NLRP8: variants seen among roughly 807,000 people sequenced by gnomAD.
The protein encoded by NLRP8 is NACHT, LRR and PYD domains-containing protein 8.
In NLRP8, 86 loss-of-function variants were observed where a neutral mutation model predicts 88.7. The observed-to-expected ratio is 0.97, with a 90% CI of 0.81 to 1.16. NLRP8 has a LOEUF of 1.16. Among genes scored for constraint, NLRP8 ranks in the 50% most tolerant of loss-of-function variants. The probability of loss-of-function intolerance (pLI) is 0.00; values close to 1 mark genes in which losing one functional copy is unlikely to be tolerated. For synonymous variants in NLRP8, 504 were observed against 494.6 expected, an observed-to-expected ratio of 1.02 and a Z score of -0.25; for missense variants, 1,342 against 1,286.5, an observed-to-expected ratio of 1.04 and a Z score of -0.66.
chr19:55,983,076 G>A (rs1175400165), intron 9 of NLRP8, among the ~76,000 whole-genome samples: 2 of 152,194 alleles, frequency 1.3e-5, no homozygotes, highest in Non-Finnish European at 2.9e-5. Context: ...TGACAGTCGT[G>A]AGACCTTGGT....
At position 55,948,288 on chromosome 19, in the gene NLRP8, G is replaced by T; in HGVS notation, c.367+19G>T. 3 of 1,592,270 alleles carry T rather than the reference G, an allele frequency of 1.9e-6. No individual in the cohort carries two copies. Among genetic ancestry groups the T allele is most frequent in the Non-Finnish European group, 2.6e-6 (3 of 1,165,096 alleles). ...ATAAATGGTGAGTGTTGATCTGGTG[G>T]ATAAAGTGGGGGTGGGCTTGGCTGC... On this transcript the variant is annotated intron_variant, in intron 1 of 9. Transcript: ENST00000291971.
chr19:55,964,889 C>A (rs182945125), intron 4 of NLRP8, among the ~76,000 whole-genome samples: 25 of 152,126 alleles, frequency 1.6e-4, no homozygotes, highest in African/African-American at 5.3e-4. Context: ...ATCGATTATA[C>A]CTCAAGGAAA....
In NLRP8 at chr19:55,954,752, T is replaced by G; in HGVS notation, c.694T>G (p.Phe232Val). The G allele has an allele frequency of 6.2e-7, 1 of 1,614,166 alleles. No individual in the cohort carries two copies. The highest frequency in any genetic ancestry group is 8.5e-7 in the Non-Finnish European group (1 of 1,180,042). ...GATGTTTGAGTGGGCCAGAAACAAG[T>G]TCTACGCCCACAAGCGCTGGTGTGC... Residue 232 changes from phenylalanine to valine, a missense_variant, in exon 3 of 10, where the codon TTC (phenylalanine) becomes GTC (valine). Coordinates refer to ENST00000291971, the MANE Select transcript of NLRP8 (RefSeq NM_176811.2).
chr19:55,949,586 A>G (rs1179652022), intron 1 of NLRP8, among the ~76,000 whole-genome samples: 4 of 152,090 alleles, frequency 2.6e-5, no homozygotes, highest in Non-Finnish European at 5.9e-5. Context: ...AGTACTATCC[A>G]CAGTTTCAGA....
chr19:55,983,957 A>G (rs1980687334), intron 9 of NLRP8, among the ~76,000 whole-genome samples: 1 of 152,046 alleles, frequency 6.6e-6, no homozygotes, highest in Non-Finnish European at 1.5e-5. Flanking sequence ...TAACATGCTT[A>G]TTGTTAATTT....
chr19:55,953,289 G>C (rs1288463369), intron 2 of NLRP8, among the ~76,000 whole-genome samples: 1 of 151,964 alleles, frequency 6.6e-6, no homozygotes, highest in East Asian at 1.9e-4. Flanking sequence ...AACAAGCTCA[G>C]GGCTCCCAGT....
At chr19:55,985,612 T>C (rs756731420) in intron 9 of NLRP8, among the ~76,000 whole-genome samples, 1 of 152,178 alleles carries the variant, frequency 6.6e-6, no homozygotes, top group Non-Finnish European at 1.5e-5. Context: ...AATCTAAATA[T>C]GAAAGGAAAG....
At chr19:55,983,793 T>C (rs750657842) in intron 9 of NLRP8, among the ~76,000 whole-genome samples, 1 of 129,012 alleles carries the variant, frequency 7.8e-6, no homozygotes, top group Non-Finnish European at 1.6e-5. Flanking sequence ...CTATTTCAGA[T>C]TCAGGAAGAC....
intron 3 of NLRP8, among the ~76,000 whole-genome samples, chr19:55,958,901 C>T (rs554045080): frequency 7.2e-4 from 109 of 151,000 alleles, no homozygotes; most frequent in Non-Finnish European, 1.4e-3. Context: ...TGTTTTGAGA[C>T]GGAGTCTCAT....
At chr19:55,949,147 G>C (rs1465802998) in intron 1 of NLRP8, among the ~76,000 whole-genome samples, 1 of 152,090 alleles carries the variant, frequency 6.6e-6, no homozygotes, top group African/African-American at 2.4e-5. Context: ...GTTTATGATA[G>C]TATAGTATTA....
chr19:55,970,188 C>G (rs1010172620), intron 5 of NLRP8, among the ~76,000 whole-genome samples: 10 of 152,060 alleles, frequency 6.6e-5, no homozygotes, highest in Non-Finnish European at 1.5e-5. Context: ...TTGATTGATG[C>G]CTTCTATAAT....
chr19:55,965,469 T>A (rs1238895774), intron 4 of NLRP8, among the ~76,000 whole-genome samples: 2 of 151,112 alleles, frequency 1.3e-5, no homozygotes, highest in African/African-American at 2.4e-5. Context: ...AAAAAAAAGC[T>A]AAGCTTTGTT....
At chr19:55,957,572 G>T (rs1022685665) in intron 3 of NLRP8, among the ~76,000 whole-genome samples, 3 of 151,202 alleles carry the variant, frequency 2.0e-5, no homozygotes, top group Non-Finnish European at 2.9e-5. Context: ...TGTAATCCCA[G>T]CTACTCGGGA....
chr19:55,985,176 G>A (rs1443784940), intron 9 of NLRP8, among the ~76,000 whole-genome samples: 1 of 152,106 alleles, frequency 6.6e-6, no homozygotes, highest in Non-Finnish European at 1.5e-5. Flanking sequence ...GGTGGCGGGC[G>A]CCTGTAATCC....
At position 55,955,343 on chromosome 19, in the gene NLRP8, C is replaced by G. The variant is rs765123250; in HGVS notation, c.1285C>G (p.Arg429Gly). 1 of 1,614,100 alleles carries G rather than the reference C, an allele frequency of 6.2e-7. No homozygotes were observed. Among genetic ancestry groups the G allele is most frequent in the Non-Finnish European group, 8.5e-7 (1 of 1,180,018 alleles). Residue 429 changes from arginine (R) to glycine (G), a missense_variant, in exon 3 of 10, where the codon CGG (arginine) becomes GGG (glycine). Arg to Gly is a moderately radical substitution (Grantham distance 125, BLOSUM62 -2). Transcript: ENST00000291971. ...TCCAAATGCCACCTCTGTGTTCGTC[C>G]GGTATATTTCTAGCTTGTTTCCCAC...
chr19:55,948,794 T>C (rs2123178829), intron 1 of NLRP8, among the ~76,000 whole-genome samples: 1 of 152,260 alleles, frequency 6.6e-6, no homozygotes, highest in East Asian at 1.9e-4. Flanking sequence ...AGGTGAACGT[T>C]AAATGAAGTC....
At chr19:55,966,062 A>T in intron 4 of NLRP8, 151 bp from the exon 5 acceptor site, 1 of 642,332 alleles carries the variant, frequency 1.6e-6, no homozygotes, top group Non-Finnish European at 2.7e-6. Context: ...GTCACTCTTT[A>T]ATGTCTGCAT....
At chr19:55,973,512 C>A in intron 6 of NLRP8, 140 bp from the exon 7 acceptor site, 1 of 656,356 alleles carries the variant, frequency 1.5e-6, no homozygotes, top group Non-Finnish European at 2.4e-6. Context: ...TCCTTGAAAG[C>A]TTGGAAGTCC....
At chr19:55,962,317 A>C in intron 4 of NLRP8, 80 bp downstream of exon 4, 1 of 1,429,000 alleles carries the variant, frequency 7.0e-7, no homozygotes, top group Non-Finnish European at 9.5e-7. Context: ...TTCCCTCTCC[A>C]CTCACACTAG....
Sources: gnomAD v4.1 joint callset for allele counts (sites outside exome capture counted in the v4.1 genomes callset) on GRCh38, gnomAD v4.1.1 for gene constraint, MANE v1.5 for transcripts, NCBI Gene and HGNC (gene_info 2026-07-23, HGNC 2026-07-21) for gene names.